Variants in RBMS1 observed in about 807,000 individuals in gnomAD.
The protein encoded by RBMS1 is RNA binding motif single stranded interacting protein 1, also known as RNA-binding motif, single-stranded-interacting protein 1.
In RBMS1, 17 loss-of-function variants were observed where a neutral mutation model predicts 62.3. The ratio of observed to expected loss-of-function variants is 0.27; its 90% confidence interval spans 0.19 to 0.41. The LOEUF (loss-of-function observed/expected upper bound fraction) is 0.41. RBMS1 is among the 10% of genes least tolerant of loss of function. The probability of loss-of-function intolerance (pLI) is 1.00; values close to 1 mark genes in which losing one functional copy is unlikely to be tolerated. For synonymous variants in RBMS1, 172 were observed against 170.0 expected (o/e 1.01, Z -0.09); for missense variants, 334 against 504.5 (o/e 0.66, Z 3.24).
intron 1 of RBMS1, among the ~76,000 whole-genome samples, chr2:160,461,008 C>CA (rs1254749352): frequency 2.0e-5 from 3 of 152,124 alleles, no homozygotes; most frequent in African/African-American, 7.2e-5. Context: ...CCTGTAATCC[C>CA]AATACTTTGG....
rs1249891187 is a variant in RBMS1 at position 160,493,458 on chromosome 2, AGCGGCGGCGGCGGCGGCGGCT to A, written c.-116_-96del. 2.5e-6 allele frequency: 3 copies of A among 1,219,504 alleles called. No homozygotes were observed. The highest frequency in any genetic ancestry group is 1.5e-5 in the African/African-American group (1 of 64,700). 75.5% of individuals were successfully genotyped at this position (1,219,504 alleles called of 1,614,324 possible). The stretch of plus-strand genomic sequence containing the variant: ...CCTCTCCCTTTCCGGCGGCGGCGGC[AGCGGCGGCGGCGGCGGCGGCT>A]GCTGCTGCTGCCGCTGCTCCACCTC... On this transcript the variant is annotated 5_prime_UTR_variant, in exon 1 of 14. Transcript: ENST00000348849.
At chr2:160,380,424 C>T (rs1694223514) in intron 1 of RBMS1, among the ~76,000 whole-genome samples, 1 of 152,086 alleles carries the variant, frequency 6.6e-6, no homozygotes, top group Non-Finnish European at 1.5e-5. Flanking sequence ...CCTGCAGCTA[C>T]GCCAGGACCT....
At chr2:160,421,183 A>C (rs2105269166) in intron 1 of RBMS1, among the ~76,000 whole-genome samples, 1 of 151,492 alleles carries the variant, frequency 6.6e-6, no homozygotes, top group East Asian at 1.9e-4. Context: ...TCTAGGGTAC[A>C]TGTGTACAAC....
intron 1 of RBMS1, among the ~76,000 whole-genome samples, chr2:160,483,875 A>T (rs753816671): frequency 4.6e-5 from 7 of 151,658 alleles, no homozygotes; most frequent in Non-Finnish European, 8.8e-5. Context: ...GCTTTTGTGC[A>T]GCTCTTCATC....
At chr2:160,402,341 T>C (rs958926132) in intron 1 of RBMS1, among the ~76,000 whole-genome samples, 1 of 152,230 alleles carries the variant, frequency 6.6e-6, no homozygotes, top group Non-Finnish European at 1.5e-5. Context: ...CTAAGGAATA[T>C]GCTAAGGGGC....
chr2:160,444,567 C>T (rs35308312), intron 1 of RBMS1, among the ~76,000 whole-genome samples: 42,897 of 152,090 alleles, frequency 0.28, 6,691 homozygotes, highest in East Asian at 0.6. Context: ...CAACTTGCCC[C>T]GGATTACATT....
intron 1 of RBMS1, among the ~76,000 whole-genome samples, chr2:160,428,172 C>T (rs531179769): frequency 6.6e-6 from 1 of 151,958 alleles, no homozygotes; most frequent in East Asian, 1.9e-4. Context: ...CAAAGTTATA[C>T]TCAATTTCTC....
rs1408295981 is a variant in RBMS1, at chr2:160,484,056, C to G, written c.75+9233G>C. On this transcript the variant is annotated intron_variant, in intron 1 of 13. Coordinates refer to ENST00000348849, the MANE Select transcript of RBMS1 (RefSeq NM_016836.4). ...GTCTCACTATGTTGCCCAGGCTGGTCTGGAACTCTTGGCTTCAAGCAATCC... is the reference window on the plus strand; with the variant it reads ...GTCTCACTATGTTGCCCAGGCTGGTGTGGAACTCTTGGCTTCAAGCAATCC... 2.8e-5 allele frequency among the ~76,000 whole-genome samples: 4 copies of G among 142,264 alleles called. No homozygotes were observed. In the Admixed American group the frequency reaches 2.9e-4, roughly 10 times the overall value. The allele number at this position is 142,264 out of a possible 152,430, so 93.3% of individuals were successfully genotyped here.
At chr2:160,308,776 A>T (rs1446112736) in intron 4 of RBMS1, among the ~76,000 whole-genome samples, 1 of 152,192 alleles carries the variant, frequency 6.6e-6, no homozygotes, top group Non-Finnish European at 1.5e-5. Context: ...GTCTTTGAAC[A>T]GTGCTCATTT....
intron 13 of RBMS1, among the ~76,000 whole-genome samples, 194 bp from the exon 14 acceptor site, chr2:160,274,958 A>G (rs1213815361): frequency 6.6e-6 from 1 of 152,192 alleles, no homozygotes; most frequent in East Asian, 1.9e-4. Flanking sequence ...GGACTTGCAA[A>G]ATACTTTCTT....
intron 1 of RBMS1, among the ~76,000 whole-genome samples, chr2:160,448,925 G>A (rs1227058695): frequency 2.0e-5 from 3 of 151,004 alleles, no homozygotes; most frequent in Non-Finnish European, 4.4e-5. Context: ...GGGATGTGAG[G>A]AGTGCCTCTG....
chr2:160,286,495 T>A (rs904380445), intron 7 of RBMS1, among the ~76,000 whole-genome samples: 2 of 151,948 alleles, frequency 1.3e-5, no homozygotes, highest in Non-Finnish European at 2.9e-5. Flanking sequence ...AATTTTTGTA[T>A]TTTTAGTAGA....
At chr2:160,312,737 T>C (rs528927039) in intron 4 of RBMS1, among the ~76,000 whole-genome samples, 2 of 151,888 alleles carry the variant, frequency 1.3e-5, no homozygotes, top group South Asian at 2.1e-4. Context: ...ATTTTTGAAA[T>C]AGAATATGCT....
intron 1 of RBMS1, among the ~76,000 whole-genome samples, chr2:160,457,079 TTTTA>T (rs1232018485): frequency 2.0e-5 from 3 of 151,658 alleles, no homozygotes; most frequent in Non-Finnish European, 1.5e-5. Context: ...CCTCATTTTA[TTTTA>T]TTTATTATTT....
chr2:160,358,615 ATT>A (rs1206681406), intron 2 of RBMS1, among the ~76,000 whole-genome samples: 1 of 152,144 alleles, frequency 6.6e-6, no homozygotes, highest in African/African-American at 2.4e-5. Context: ...AAATCCTATG[ATT>A]TATAAAACAA....
intron 7 of RBMS1, among the ~76,000 whole-genome samples, chr2:160,286,714 A>G (rs1404798805): frequency 1.3e-5 from 2 of 152,224 alleles, no homozygotes; most frequent in African/African-American, 2.4e-5. Flanking sequence ...CTTCATGTGT[A>G]GCTAGCTGGT....
intron 1 of RBMS1, among the ~76,000 whole-genome samples, chr2:160,376,880 G>C (rs1014963924): frequency 3.3e-5 from 5 of 152,070 alleles, no homozygotes; most frequent in Admixed American, 1.3e-4. Context: ...GTGTTGCCCA[G>C]GCTGCTCTTG....
intron 4 of RBMS1, among the ~76,000 whole-genome samples, chr2:160,307,601 G>C (rs1162137721): frequency 6.6e-6 from 1 of 152,166 alleles, no homozygotes; most frequent in Non-Finnish European, 1.5e-5. Context: ...CATTTGCCTA[G>C]TTTAACATAA....
intron 4 of RBMS1, among the ~76,000 whole-genome samples, chr2:160,310,695 T>C (rs1689803718): frequency 7.2e-6 from 1 of 139,110 alleles, no homozygotes; most frequent in Admixed American, 7.0e-5. Flanking sequence ...AGAAGTAAGT[T>C]GTTTTCCGAG....
Sources: gnomAD v4.1 joint callset for allele counts (sites outside exome capture counted in the v4.1 genomes callset) on GRCh38, gnomAD v4.1.1 for gene constraint, MANE v1.5 for transcripts, NCBI Gene and HGNC (gene_info 2026-07-23, HGNC 2026-07-21) for gene names.